Variants in DCX observed in about 807,000 individuals in gnomAD.
The protein encoded by DCX is doublecortin.
Under a neutral mutation model 20.9 loss-of-function variants are expected in DCX, and 4 were observed. The observed-to-expected ratio is 0.19, with a 90% CI of 0.09 to 0.44. DCX has a LOEUF of 0.44. Ranked by LOEUF, DCX falls within the 20% of genes least tolerant of loss-of-function variation. The pLI is 0.99. For synonymous variants in DCX, 103 were observed against 111.4 expected, an observed-to-expected ratio of 0.92 and a Z score of 0.47; for missense variants, 133 against 296.9, an observed-to-expected ratio of 0.45 and a Z score of 4.06.
At chrX:111,411,919 GTA>G (rs1928746388) in intron 1 of DCX, 1 of 111,971 alleles carries the variant, frequency 8.9e-6, no homozygotes, top group South Asian at 3.7e-4. Context: ...ATCAGAGGTA[GTA>G]TTATTCTAAA....
chrX:111,377,370 C>T (rs1384917971), intron 3 of DCX, among the ~76,000 whole-genome samples: 2 of 111,777 alleles, frequency 1.8e-5, no homozygotes, highest in Non-Finnish European at 3.8e-5. Flanking sequence ...GAAATTGTTA[C>T]CTAGCAACCA....
chrX:111,403,719 T>C (rs970485121), intron 2 of DCX, among the ~76,000 whole-genome samples: 3 of 111,997 alleles, frequency 2.7e-5, no homozygotes, highest in Non-Finnish European at 5.6e-5. Flanking sequence ...TGTGGGGTTG[T>C]TGTGGGGCAC....
chrX:111,373,710 T>A (rs1925300000), intron 3 of DCX, among the ~76,000 whole-genome samples: 1 of 111,359 alleles, frequency 9.0e-6, no homozygotes, highest in Admixed American at 9.6e-5. Flanking sequence ...ATATTTGTTG[T>A]CAATAATAAT....
intron 6 of DCX, 100 bp downstream of exon 6, chrX:111,312,539 G>A: frequency 2.4e-6 from 2 of 836,862 alleles, no homozygotes; most frequent in South Asian, 2.2e-5. Flanking sequence ...GAAAATTTCT[G>A]GCCTTAATGT....
intron 3 of DCX, among the ~76,000 whole-genome samples, chrX:111,396,561 C>T (rs906863168): frequency 8.9e-6 from 1 of 111,959 alleles, no homozygotes; most frequent in African/African-American, 3.2e-5. Context: ...AATTTTAAGG[C>T]CAGAACATGT....
At chrX:111,363,501 T>C (rs866615037) in intron 3 of DCX, among the ~76,000 whole-genome samples, 30 of 107,581 alleles carry the variant, frequency 2.8e-4, no homozygotes, top group African/African-American at 9.8e-4. Flanking sequence ...ATGGCCTGAT[T>C]TAGCCATACC....
At chrX:111,363,560 C>G (rs969144616) in intron 3 of DCX, among the ~76,000 whole-genome samples, 8 of 108,532 alleles carry the variant, frequency 7.4e-5, no homozygotes. Context: ...ACCCCTTCTT[C>G]TGATCCTGCA....
chrX:111,379,342 C>T (rs775553121), intron 3 of DCX, among the ~76,000 whole-genome samples: 13 of 111,532 alleles, frequency 1.2e-4, no homozygotes, highest in Admixed American at 1.9e-4. Context: ...CCAACAAAAA[C>T]CGCTGTGCCC....
intron 2 of DCX, among the ~76,000 whole-genome samples, chrX:111,405,324 A>G (rs1331477900): frequency 2.7e-5 from 3 of 112,392 alleles, no homozygotes; most frequent in Non-Finnish European, 5.6e-5. Flanking sequence ...TGATTATCAT[A>G]TCTATTAGCA....
intron 3 of DCX, among the ~76,000 whole-genome samples, chrX:111,343,420 T>C (rs1203056120): frequency 3.5e-4 from 34 of 97,988 alleles, no homozygotes; most frequent in Admixed American, 6.8e-4. Context: ...TGAAATTGAG[T>C]CAGTAATTAA....
At chrX:111,407,054 A>G (rs1305512467) in intron 2 of DCX, among the ~76,000 whole-genome samples, 1 of 112,312 alleles carries the variant, frequency 8.9e-6, no homozygotes, top group Admixed American at 9.4e-5. Flanking sequence ...CCAGCTATAA[A>G]CTAGGATAAC....
chrX:111,375,574 C>T lies in DCX; in HGVS notation c.705+25416G>A, dbSNP rs543169836. On this transcript the variant is annotated intron_variant, in intron 3 of 6. Transcript: ENST00000636035. The stretch of plus-strand genomic sequence containing the variant: ...AGGCTCTTGATTGCTGACTTTATAT[C>T]CTAGTGTTCTCCTCTCTCATTCATA... Among the ~76,000 whole-genome samples the T allele has an allele frequency of 4.5e-5, 5 of 111,285 alleles. No homozygotes were observed. The Middle Eastern group carries it at 0.014, about 311-fold the overall frequency.
chrX:111,402,750 A>ATGTGTG (rs1424536427), intron 2 of DCX, among the ~76,000 whole-genome samples: 8 of 107,195 alleles, frequency 7.5e-5, no homozygotes, highest in African/African-American at 2.8e-4. Flanking sequence ...GAGGACATTT[A>ATGTGTG]TGTGTGTGTG....
rs1047458051 is a variant in DCX at position 111,297,380 on chromosome X, A to T, written c.*4307T>A. The T allele has an allele frequency of 9.0e-6, 1 of 111,597 alleles. No individual in the cohort carries two copies. Among genetic ancestry groups the T allele is most frequent in the African/African-American group, 3.3e-5 (1 of 30,629 alleles). 9.2% of individuals were successfully genotyped at this position (111,597 alleles called of 1,213,427 possible). A position where few individuals can be genotyped will look rare whatever the true frequency, so the allele number is the denominator to read the frequency against. ...TCTTGTCCTAGGGATATGGATTTTT[A>T]AAAAATAAAAGCCATTTAGAATCAA... is the stretch of plus-strand genomic sequence containing the variant. On this transcript the variant is annotated 3_prime_UTR_variant, in exon 7 of 7. Coordinates refer to ENST00000636035, the MANE Select transcript of DCX (RefSeq NM_001195553.2).
intron 5 of DCX, among the ~76,000 whole-genome samples, chrX:111,315,273 T>C (rs1396977355): frequency 6.9e-5 from 6 of 87,310 alleles, no homozygotes; most frequent in African/African-American, 2.7e-4. Flanking sequence ...GCGAAGGACA[T>C]GAACAGACAC....
chrX:111,403,657 T>C (rs1927981708), intron 2 of DCX, among the ~76,000 whole-genome samples: 2 of 112,059 alleles, frequency 1.8e-5, no homozygotes, highest in South Asian at 7.5e-4. Context: ...TAACCTCCCT[T>C]GGCTTCAGTT....
intron 4 of DCX, among the ~76,000 whole-genome samples, chrX:111,332,012 T>C (rs1399839729): frequency 8.9e-6 from 1 of 112,756 alleles, no homozygotes; most frequent in African/African-American, 3.2e-5. Context: ...GAGTAGAGGA[T>C]ATAGTCTCTC....
In DCX at chrX:111,409,889, G is replaced by A. The variant is rs767922598; in HGVS notation, c.364+146C>T. On this transcript the variant is annotated intron_variant, in intron 2 of 6. Transcript: ENST00000636035. ...GGTGATTGCTAATGGTTCTGTTGAT[G>A]TCTATAGCATTAGAAATTTGAGCAT... The A allele has an allele frequency of 7.4e-5, 56 of 760,393 alleles. No individual in the cohort carries two copies. The African/African-American group carries it at 1.1e-3, about 15-fold the overall frequency. The allele number at this position is 760,393 out of a possible 1,213,427, so 62.7% of individuals were successfully genotyped here. A position where few individuals can be genotyped will look rare whatever the true frequency, so the allele number is the denominator to read the frequency against.
chrX:111,299,607 C>T lies in DCX; in HGVS notation c.*2080G>A, dbSNP rs2095029253. 1.8e-5 allele frequency: 2 copies of T among 111,418 alleles called. No individual in the cohort carries two copies. Among genetic ancestry groups the T allele is most frequent in the Admixed American group, 1.9e-4 (2 of 10,455 alleles). 9.2% of individuals were successfully genotyped at this position (111,418 alleles called of 1,213,427 possible). ...CCCACACCCCCTAATCCAAGTATCA[C>T]TTTTTCCCAATTAACTACAAAATGT... On this transcript the variant is annotated 3_prime_UTR_variant, in exon 7 of 7. Transcript: ENST00000636035.
Sources: allele counts gnomAD v4.1 joint callset (sites outside exome capture counted in the v4.1 genomes callset), GRCh38; gene constraint gnomAD v4.1.1; transcripts MANE v1.5; gene names NCBI Gene and HGNC (gene_info 2026-07-23, HGNC 2026-07-21).